BLTP1: variants seen among roughly 807,000 people sequenced by gnomAD.
BLTP1 encodes fragile site-associated protein.
the BLTP1 span, chr4:122,306,838 T>C: frequency 4.1e-6 from 1 of 241,092 alleles, no homozygotes; most frequent in Non-Finnish European, 6.7e-6. Flanking sequence ...AGGAGCCATT[T>C]AAGAAGCCAT....
At chr4:122,225,137 T>G in the BLTP1 span, 24 of 519,268 alleles carry the variant, frequency 4.6e-5, no homozygotes, top group Non-Finnish European at 6.0e-5. Context: ...TAAGGTTCTT[T>G]GCTTGTCATG....
chr4:122,246,761 C>T, the BLTP1 span: 4 of 1,613,058 alleles, frequency 2.5e-6, no homozygotes, highest in Admixed American at 1.7e-5. Flanking sequence ...TCATGTTTCC[C>T]TAGTGGCATT....
the BLTP1 span, chr4:122,257,156 A>G: frequency 6.3e-5 from 76 of 1,199,608 alleles, no homozygotes; most frequent in Admixed American, 1.6e-3. Flanking sequence ...TTATCTCTAA[A>G]TGAGTATTAT....
the BLTP1 span, among the ~76,000 whole-genome samples, chr4:122,329,413 T>A: frequency 6.3e-3 from 961 of 151,856 alleles, 5 homozygotes; most frequent in Non-Finnish European, 9.3e-3. Flanking sequence ...ATCTTGTCAT[T>A]ATATTTAATT....
chr4:122,338,957 C>G, the BLTP1 span, among the ~76,000 whole-genome samples: 1 of 152,052 alleles, frequency 6.6e-6, no homozygotes, highest in Non-Finnish European at 1.5e-5. Flanking sequence ...TCTTAAGTAT[C>G]AAATGAGTAA....
the BLTP1 span, chr4:122,269,446 G>C: frequency 1.6e-4 from 160 of 985,186 alleles, 1 homozygote; most frequent in African/African-American, 2.7e-3. Context: ...AGCTGAACTT[G>C]ACATTCCTTT....
the BLTP1 span, chr4:122,276,500 T>C: frequency 1.0e-6 from 1 of 982,004 alleles, no homozygotes; most frequent in African/African-American, 1.7e-5. Context: ...GCCTTTACTA[T>C]ATGTAAATAT....
At chr4:122,323,440 CT>C in the BLTP1 span, among the ~76,000 whole-genome samples, 14,348 of 140,222 alleles carry the variant, frequency 0.1, 844 homozygotes, top group African/African-American at 0.18. Context: ...AGAGAACCCT[CT>C]TTTTTTTTTT....
the BLTP1 span, chr4:122,196,514 A>G: frequency 1.4e-6 from 1 of 727,908 alleles, no homozygotes; most frequent in Admixed American, 2.9e-5. Flanking sequence ...TACAGAAAAC[A>G]GTCTAATTGT....
chr4:122,197,126 A>T, the BLTP1 span: 1 of 788,992 alleles, frequency 1.3e-6, no homozygotes, highest in Non-Finnish European at 2.0e-6. Flanking sequence ...TGTAATAATA[A>T]CTGAAAAGTA....
chr4:122,197,388 A>G, the BLTP1 span: 1 of 1,008,626 alleles, frequency 9.9e-7, no homozygotes, highest in Non-Finnish European at 1.3e-6. Context: ...TCAGTTTTTT[A>G]ATTATATTTT....
At chr4:122,265,341 A>G in the BLTP1 span, among the ~76,000 whole-genome samples, 4 of 152,070 alleles carry the variant, frequency 2.6e-5, no homozygotes, top group African/African-American at 4.8e-5. Flanking sequence ...TAATTGTTAC[A>G]CTGTATTGGG....
the BLTP1 span, among the ~76,000 whole-genome samples, chr4:122,203,054 T>C: frequency 6.6e-6 from 1 of 151,966 alleles, no homozygotes; most frequent in Non-Finnish European, 1.5e-5. Context: ...TTTAAACTTA[T>C]TCTCTAAAAA....
chr4:122,169,792 G>A, the BLTP1 span: 6 of 984,684 alleles, frequency 6.1e-6, no homozygotes, highest in African/African-American at 1.0e-4. Context: ...CTAAGTATCT[G>A]ATAGCAGGAG....
chr4:122,186,132 T>C, the BLTP1 span: 1 of 1,612,682 alleles, frequency 6.2e-7, no homozygotes, highest in Non-Finnish European at 8.5e-7. Flanking sequence ...CAAGAGTTGT[T>C]TGGTTTGGAG....
the BLTP1 span, chr4:122,266,664 GATA>G: frequency 2.2e-5 from 19 of 873,408 alleles, no homozygotes; most frequent in Admixed American, 6.2e-5. Flanking sequence ...TTCACACTAT[GATA>G]ATAATAATAT....
chr4:122,319,330 T>C, the BLTP1 span, among the ~76,000 whole-genome samples: 4 of 152,040 alleles, frequency 2.6e-5, no homozygotes, highest in Non-Finnish European at 4.4e-5. Context: ...TTAGATCTTT[T>C]CTGATGTATG....
chr4:122,200,013 A>G, the BLTP1 span: 1 of 977,474 alleles, frequency 1.0e-6, no homozygotes, highest in Non-Finnish European at 1.2e-6. Context: ...AACACTAACA[A>G]TAACAAAAGC....
At chr4:122,207,596 G>A in the BLTP1 span, 1 of 1,604,972 alleles carries the variant, frequency 6.2e-7, no homozygotes, top group South Asian at 1.1e-5. Context: ...TGCCTTTTAC[G>A]GACTTTGTTC....
Sources: allele counts gnomAD v4.1 joint callset (sites outside exome capture counted in the v4.1 genomes callset), GRCh38; gene constraint gnomAD v4.1.1; transcripts MANE v1.5; gene names NCBI Gene and HGNC (gene_info 2026-07-23, HGNC 2026-07-21).